PRLR: variants seen among roughly 807,000 people sequenced by gnomAD.
The protein encoded by PRLR is hPRL receptor.
A neutral mutation model predicts 40.2 loss-of-function variants in PRLR; 13 were observed. The ratio of observed to expected loss-of-function variants is 0.32; its 90% CI spans 0.21 to 0.51. The LOEUF (loss-of-function observed/expected upper bound fraction) is 0.51, where lower values mean the gene tolerates loss of function less well. PRLR is among the 20% of genes least tolerant of loss of function. PRLR has a pLI of 0.97. For synonymous variants in PRLR, 269 were observed against 278.7 expected, an observed-to-expected ratio of 0.97 and a Z score of 0.35; for missense variants, 656 against 747.3, an observed-to-expected ratio of 0.88 and a Z score of 1.42.
intron 1 of PRLR, among the ~76,000 whole-genome samples, chr5:35,130,859 G>A (rs578030903): frequency 6.6e-6 from 1 of 152,260 alleles, no homozygotes; most frequent in African/African-American, 2.4e-5. Context: ...AGAGACACAC[G>A]GGGAGGACAC....
intron 1 of PRLR, among the ~76,000 whole-genome samples, chr5:35,152,630 T>C (rs941198554): frequency 2.0e-5 from 3 of 152,252 alleles, no homozygotes; most frequent in East Asian, 1.9e-4. Flanking sequence ...TCTAGTTCAC[T>C]GCTTCTTAAT....
intron 1 of PRLR, among the ~76,000 whole-genome samples, chr5:35,163,769 A>C (rs1774742940): frequency 3.3e-5 from 5 of 152,240 alleles, no homozygotes; most frequent in Admixed American, 3.3e-4. Flanking sequence ...ACATTTTCTA[A>C]CTTTTTAAAC....
intron 1 of PRLR, among the ~76,000 whole-genome samples, chr5:35,179,939 C>T (rs1430081508): frequency 2.0e-5 from 3 of 152,088 alleles, no homozygotes; most frequent in East Asian, 1.9e-4. Context: ...ATTATTATTA[C>T]CTTGTAATAT....
rs954049239 is a variant in PRLR at position 35,065,672 on chromosome 5, G to A, written c.1286C>T (p.Ser429Phe). Residue 429 changes from serine (S) to phenylalanine (F), a missense_variant, in exon 10 of 10, where the codon TCT (serine) becomes TTT (phenylalanine). By Grantham distance (155) the Ser-to-Phe change is radical (BLOSUM62 -2). This residue lies in a region of PRLR where 469 missense variants were observed against 491.5 expected (regional missense o/e 0.95). Transcript: ENST00000618457. The stretch of plus-strand genomic sequence containing the variant: ...ACACACATCAGTAATATTGTGGTAA[G>A]AGGATCTGGGGTTGTGCTGGCTGGG... ...PQPSQHNPRS[S>F]YHNITDVCEL... 1.9e-6 allele frequency: 3 copies of A among 1,614,184 alleles called. No homozygotes were observed. Among genetic ancestry groups the A allele is most frequent in the Non-Finnish European group, 2.5e-6 (3 of 1,180,028 alleles).
At chr5:35,115,700 G>C (rs1405169236) in intron 2 of PRLR, among the ~76,000 whole-genome samples, 2 of 151,868 alleles carry the variant, frequency 1.3e-5, no homozygotes, top group African/African-American at 4.8e-5. Context: ...AATCTGGTAT[G>C]CCAGGCAAAG....
intron 4 of PRLR, 49 bp from the exon 5 acceptor site, chr5:35,084,688 T>A (rs1273540468): frequency 6.4e-7 from 1 of 1,554,102 alleles, no homozygotes. Flanking sequence ...ATAAAGAGAG[T>A]CTAGTTTTTT....
At chr5:35,149,659 C>CAAAGA (rs1284944288) in intron 1 of PRLR, among the ~76,000 whole-genome samples, 2 of 152,272 alleles carry the variant, frequency 1.3e-5, no homozygotes, top group East Asian at 3.9e-4. Flanking sequence ...CTTAAAGATA[C>CAAAGA]TACAATATTT....
At chr5:35,183,028 G>A (rs542463242) in intron 1 of PRLR, among the ~76,000 whole-genome samples, 1 of 152,130 alleles carries the variant, frequency 6.6e-6, no homozygotes, top group Non-Finnish European at 1.5e-5. Flanking sequence ...AACCTGAGAC[G>A]TTCTCTAGCC....
intron 1 of PRLR, among the ~76,000 whole-genome samples, chr5:35,210,711 C>A (rs1211116540): frequency 3.9e-5 from 6 of 152,064 alleles, no homozygotes; most frequent in Non-Finnish European, 8.8e-5. Flanking sequence ...AACCAGAGAT[C>A]TCTTCCTCTT....
At chr5:35,110,620 C>T (rs1481239423) in intron 2 of PRLR, among the ~76,000 whole-genome samples, 4 of 152,134 alleles carry the variant, frequency 2.6e-5, no homozygotes, top group African/African-American at 4.8e-5. Context: ...ATCTCACTCA[C>T]CAAGAGCAGG....
chr5:35,211,708 T>C (rs530615690), intron 1 of PRLR, among the ~76,000 whole-genome samples: 1 of 152,348 alleles, frequency 6.6e-6, no homozygotes, highest in South Asian at 2.1e-4. Flanking sequence ...AATCTGTATA[T>C]GACTTGATAA....
intron 1 of PRLR, among the ~76,000 whole-genome samples, chr5:35,199,292 T>C (rs150918408): frequency 2.2e-3 from 331 of 152,336 alleles, no homozygotes; most frequent in Admixed American, 3.6e-3. Context: ...CGTGTAATGC[T>C]GTGGACATTT....
At chr5:35,075,433 C>T (rs915119629) in intron 5 of PRLR, among the ~76,000 whole-genome samples, 5 of 152,318 alleles carry the variant, frequency 3.3e-5, no homozygotes, top group African/African-American at 7.2e-5. Context: ...TGGAGCCTTG[C>T]TCACTGCTAG....
intron 1 of PRLR, among the ~76,000 whole-genome samples, chr5:35,161,818 A>T (rs6451183): frequency 0.91 from 138,995 of 152,266 alleles, 64,561 homozygotes; most frequent in Non-Finnish European, 1. Context: ...CAGCCCAGAT[A>T]CACGTTGGAA....
At chr5:35,188,267 T>A (rs1775502985) in intron 1 of PRLR, among the ~76,000 whole-genome samples, 1 of 152,098 alleles carries the variant, frequency 6.6e-6, no homozygotes, top group Non-Finnish European at 1.5e-5. Flanking sequence ...CTGATTTGTT[T>A]AATCATCACA....
downstream of PRLR, among the ~76,000 whole-genome samples, chr5:35,050,825 G>A (rs996950983): frequency 6.6e-5 from 10 of 152,130 alleles, no homozygotes; most frequent in African/African-American, 2.2e-4. Flanking sequence ...TGAAGGAAAG[G>A]AAAATTGTTT....
chr5:35,066,740 C>T (rs1464749603), intron 9 of PRLR, among the ~76,000 whole-genome samples: 1 of 150,690 alleles, frequency 6.6e-6, no homozygotes, highest in Non-Finnish European at 1.5e-5. Flanking sequence ...TTCCTCCTGC[C>T]TCCTCCTCTC....
At chr5:35,192,021 C>A (rs1422293415) in intron 1 of PRLR, among the ~76,000 whole-genome samples, 1 of 152,212 alleles carries the variant, frequency 6.6e-6, no homozygotes, top group Non-Finnish European at 1.5e-5. Flanking sequence ...GGGTTCCAGG[C>A]CCTCTCATGC....
In PRLR at chr5:35,160,524, C is replaced by T. The variant is rs565059882; in HGVS notation, c.-105-42402G>A. 2.6e-5 allele frequency among the ~76,000 whole-genome samples: 4 copies of T among 152,306 alleles called. No individual in the cohort carries two copies. The South Asian group carries it at 8.3e-4, about 32-fold the overall frequency. ...ATAGCCCCTCCCCAAAAGTCAACCA[C>T]CTTTGTAAAGCCATGAGAGAGCCCC... On this transcript the variant is annotated intron_variant, in intron 1 of 9. Transcript: ENST00000618457.
Sources: gnomAD v4.1 joint callset for allele counts (sites outside exome capture counted in the v4.1 genomes callset) on GRCh38, gnomAD v4.1.1 for gene constraint, gnomAD v4.1.1 regional missense constraint, MANE v1.5 for transcripts, NCBI Gene and HGNC (gene_info 2026-07-23, HGNC 2026-07-21) for gene names.